Variants in ECHDC1 observed in about 807,000 individuals in gnomAD.
ECHDC1 encodes ethylmalonyl-CoA decarboxylase.
In ECHDC1, 29 loss-of-function variants were observed where a neutral mutation model predicts 29.7. The observed-to-expected ratio is 0.98, with a 90% CI of 0.73 to 1.33. The LOEUF (loss-of-function observed/expected upper bound fraction) is 1.33, where lower values mean the gene tolerates loss of function less well. Among genes scored for constraint, ECHDC1 ranks in the 40% most tolerant of loss-of-function variants. The pLI, the probability that ECHDC1 is intolerant of heterozygous loss-of-function variation, is 0.00. For missense variants in ECHDC1, 328 were observed against 350.0 expected (o/e 0.94, Z 0.50); for synonymous variants, 126 against 123.1 (o/e 1.02, Z -0.15).
In ECHDC1 at chr6:127,327,038, A is replaced by T. The variant is rs1326662287; in HGVS notation, c.327T>A (p.Ser109=). The T allele has an allele frequency of 6.2e-7, 1 of 1,614,094 alleles. No homozygotes were observed. Among genetic ancestry groups the T allele is most frequent in the Admixed American group, 1.7e-5 (1 of 60,028 alleles). Residue 109 remains serine (S), a synonymous_variant, in exon 3 of 6, where the codon TCT becomes TCA. Transcript: ENST00000454859. ...RGAKNTFSSG[S]DLNAVKSLGT... is the part of the protein sequence containing the mutation. ...CTAGTGATTTCACAGCATTCAGATC[A>T]GATCCTGAAGAGAAAGTATTTTTTG...
intron 5 of ECHDC1, among the ~76,000 whole-genome samples, chr6:127,297,024 G>A (rs1191132660): frequency 5.3e-5 from 8 of 151,732 alleles, no homozygotes; most frequent in Admixed American, 1.3e-4. Flanking sequence ...GAAAAAAAAA[G>A]AGAAAAAAAA....
intron 1 of ECHDC1, among the ~76,000 whole-genome samples, chr6:127,339,914 C>G (rs796656063): frequency 6.6e-6 from 1 of 152,138 alleles, no homozygotes; most frequent in Non-Finnish European, 1.5e-5. Flanking sequence ...CTTTCACTGG[C>G]CTCTGGTCAG....
At chr6:127,309,927 G>C (rs530612477) in intron 5 of ECHDC1, among the ~76,000 whole-genome samples, 1 of 152,186 alleles carries the variant, frequency 6.6e-6, no homozygotes, top group East Asian at 1.9e-4. Context: ...AGAGCAAGGG[G>C]GAAGTCTGCC....
intron 3 of ECHDC1, among the ~76,000 whole-genome samples, chr6:127,318,951 A>G (rs1042194059): frequency 6.6e-6 from 1 of 152,240 alleles, no homozygotes; most frequent in African/African-American, 2.4e-5. Context: ...AAACTGGTTT[A>G]TTCTCTGCTA....
rs142462383 is a variant in ECHDC1 at position 127,291,026 on chromosome 6, T to C, written c.498-749A>G. Among the ~76,000 whole-genome samples the C allele has an allele frequency of 5.2e-4, 79 of 152,114 alleles. 1 individual carries two copies. Among genetic ancestry groups the C allele is most frequent in the Admixed American group, 4.7e-3 (72 of 15,226 alleles). On this transcript the variant is annotated intron_variant, in intron 5 of 5. Transcript: ENST00000454859. ...GAAAAGATGTTCCAGGAAGAAGGAA[T>C]TGCAAGTGCAAAAGTCTTGAAGTAG... is the stretch of plus-strand genomic sequence containing the variant.
chr6:127,329,759 A>C (rs1783744410), intron 2 of ECHDC1: 1 of 327,692 alleles, frequency 3.1e-6, no homozygotes, highest in Non-Finnish European at 6.1e-6. Context: ...ACTTAATTTT[A>C]CCTTTTTTAA....
At chr6:127,298,521 C>T (rs537907361) in intron 5 of ECHDC1, among the ~76,000 whole-genome samples, 26 of 152,126 alleles carry the variant, frequency 1.7e-4, no homozygotes, top group Non-Finnish European at 3.2e-4. Context: ...TGAAACCAAG[C>T]TAACCATCCA....
intron 5 of ECHDC1, among the ~76,000 whole-genome samples, chr6:127,292,773 G>A (rs988495274): frequency 7.2e-5 from 11 of 151,976 alleles, no homozygotes; most frequent in South Asian, 4.1e-4. Context: ...TCTTTCTAGA[G>A]TTTAGATGCA....
intron 1 of ECHDC1, among the ~76,000 whole-genome samples, chr6:127,334,466 C>G (rs181051558): frequency 4.6e-5 from 7 of 152,232 alleles, no homozygotes; most frequent in Non-Finnish European, 1.5e-5. Context: ...ACAACAGTCA[C>G]CAGTTAGTAG....
At position 127,290,281 on chromosome 6, in the gene ECHDC1, T is replaced by A; in HGVS notation, c.498-4A>T. On this transcript the variant is annotated splice_region_variant and splice_polypyrimidine_tract_variant and intron_variant, in intron 5 of 5. Coordinates refer to ENST00000454859, the MANE Select transcript of ECHDC1 (RefSeq NM_001002030.2). ...CTTACTCTCTGGAGTCATTAACCTG[T>A]AAAAGAAAAAAGAAAAGCTTAATTG... 6.2e-7 allele frequency: 1 copy of A among 1,601,256 alleles called. No individual in the cohort carries two copies. The highest frequency in any genetic ancestry group is 1.8e-5 in the Admixed American group (1 of 56,380).
chr6:127,314,906 GA>G lies in ECHDC1; in HGVS notation c.417-11del. The stretch of plus-strand genomic sequence containing the variant: ...ACTTATTAAAGGAAGTCTGTATATT[GA>G]AGAAAAAACTGATGTTACTATTTTT... On this transcript the variant is annotated splice_polypyrimidine_tract_variant and intron_variant, in intron 4 of 5. Transcript: ENST00000454859. The G allele has an allele frequency of 3.7e-6, 6 of 1,608,990 alleles. No individual in the cohort carries two copies. The highest frequency in any genetic ancestry group is 4.2e-6 in the Non-Finnish European group (5 of 1,177,166).
At chr6:127,290,446 A>G (rs1014791491) in intron 5 of ECHDC1, among the ~76,000 whole-genome samples, 169 bp from the exon 6 acceptor site, 2 of 152,074 alleles carry the variant, frequency 1.3e-5, no homozygotes, top group Non-Finnish European at 2.9e-5. Context: ...TAATTTACTA[A>G]TAGTATTTAA....
intron 3 of ECHDC1, among the ~76,000 whole-genome samples, chr6:127,319,040 A>G (rs1296492537): frequency 1.3e-5 from 2 of 152,250 alleles, no homozygotes; most frequent in Admixed American, 1.3e-4. Context: ...CTACATTTAG[A>G]TTACATAAAA....
intron 3 of ECHDC1, among the ~76,000 whole-genome samples, chr6:127,321,469 T>C (rs574673442): frequency 1.3e-5 from 2 of 152,370 alleles, no homozygotes; most frequent in Admixed American, 1.3e-4. Flanking sequence ...TATAGGAATA[T>C]AGTTTATAGG....
At position 127,314,818 on chromosome 6, in the gene ECHDC1, GA is replaced by G; in HGVS notation, c.494del (p.Phe165SerfsTer3). 6.2e-7 allele frequency: 1 copy of G among 1,601,962 alleles called. No individual in the cohort carries two copies. The highest frequency in any genetic ancestry group is 8.5e-7 in the Non-Finnish European group (1 of 1,175,620). On this transcript the variant is annotated frameshift_variant, in exon 5 of 6. Coordinates refer to ENST00000454859, the MANE Select transcript of ECHDC1 (RefSeq NM_001002030.2). LOFTEE classifies it high-confidence loss of function. ...GGAEFTTACD[F>X]RLMTPESKIR... is the part of the protein sequence containing the mutation. ...AATTAATGAAATTTTCATCCTACCT[GA>G]AATCACATGCTGTAGTAAATTCTGC...
intron 5 of ECHDC1, among the ~76,000 whole-genome samples, chr6:127,311,565 C>T (rs556464512): frequency 6.8e-6 from 1 of 146,526 alleles, no homozygotes; most frequent in Admixed American, 7.0e-5. Flanking sequence ...ATCGCAGCTA[C>T]TAGGAGGCTG....
chr6:127,327,066 C>T lies in ECHDC1; in HGVS notation c.299G>A (p.Gly100Glu). 6.2e-7 allele frequency: 1 copy of T among 1,613,356 alleles called. No homozygotes were observed. The highest frequency in any genetic ancestry group is 1.3e-5 in the African/African-American group (1 of 74,896). ...WTEGKGLIVR[G>E]AKNTFSSGSD... ...TCCTGAAGAGAAAGTATTTTTTGCC[C>T]CACGGACAATGAGGCCTTTCCCCTC... Residue 100 changes from glycine (G) to glutamate (E), a missense_variant, in exon 3 of 6, where the codon GGG (glycine) becomes GAG (glutamate). Transcript: ENST00000454859.
chr6:127,337,364 A>G (rs904453420), intron 1 of ECHDC1, among the ~76,000 whole-genome samples: 25 of 152,116 alleles, frequency 1.6e-4, no homozygotes, highest in African/African-American at 2.4e-5. Flanking sequence ...CCTCTGCACA[A>G]AAAAACTTGG....
At chr6:127,304,572 T>C (rs1209201752) in intron 5 of ECHDC1, among the ~76,000 whole-genome samples, 1 of 152,022 alleles carries the variant, frequency 6.6e-6, no homozygotes, top group Non-Finnish European at 1.5e-5. Context: ...CACAGACCAA[T>C]ACTGGAAAAA....
Sources: allele counts gnomAD v4.1 joint callset (sites outside exome capture counted in the v4.1 genomes callset), GRCh38; gene constraint gnomAD v4.1.1; transcripts MANE v1.5; gene names NCBI Gene and HGNC (gene_info 2026-07-23, HGNC 2026-07-21).